ANKRD46: variants seen among roughly 807,000 people sequenced by gnomAD.
ANKRD46 encodes the protein ankyrin repeat domain-containing protein 46.
A neutral mutation model predicts 19.8 loss-of-function variants in ANKRD46; 13 were observed. The observed-to-expected ratio is 0.66, with a 90% CI of 0.43 to 1.04. The LOEUF (loss-of-function observed/expected upper bound fraction) is 1.04, where lower values mean the gene tolerates loss of function less well. Ranked by LOEUF, ANKRD46 falls within the 50% of genes least tolerant of loss-of-function variation. The probability of loss-of-function intolerance (pLI) is 0.00; values close to 1 mark genes in which losing one functional copy is unlikely to be tolerated. For synonymous variants in ANKRD46, 91 were observed against 106.9 expected, an observed-to-expected ratio of 0.85 and a Z score of 0.92; for missense variants, 185 against 274.8, an observed-to-expected ratio of 0.67 and a Z score of 2.31.
At chr8:100,526,012 G>A (rs1309229534) in intron 4 of ANKRD46, among the ~76,000 whole-genome samples, 2 of 152,144 alleles carry the variant, frequency 1.3e-5, no homozygotes, top group Non-Finnish European at 2.9e-5. Context: ...TCTGATTTAA[G>A]CTTCAACCAC....
intron 1 of ANKRD46, among the ~76,000 whole-genome samples, chr8:100,548,560 T>C (rs974935464): frequency 1.3e-4 from 20 of 152,366 alleles, no homozygotes; most frequent in African/African-American, 3.6e-4. Context: ...TTTGAGGGCA[T>C]GAGTTGTCTT....
intron 4 of ANKRD46, among the ~76,000 whole-genome samples, chr8:100,526,910 C>A (rs572215882): frequency 6.6e-6 from 1 of 152,094 alleles, no homozygotes; most frequent in Non-Finnish European, 1.5e-5. Context: ...GATGTGGGCC[C>A]TTGCTTATTC....
chr8:100,547,663 A>G (rs184965814), intron 1 of ANKRD46, among the ~76,000 whole-genome samples: 10 of 152,248 alleles, frequency 6.6e-5, no homozygotes, highest in African/African-American at 2.4e-4. Context: ...CACTCCATAC[A>G]TATACTCCAG....
intron 2 of ANKRD46, among the ~76,000 whole-genome samples, chr8:100,531,314 T>C (rs1463286804): frequency 6.6e-6 from 1 of 152,324 alleles, no homozygotes; most frequent in Non-Finnish European, 1.5e-5. Context: ...GAAACACTGA[T>C]GGAACTGGAC....
chr8:100,529,566 T>C lies in ANKRD46; in HGVS notation c.268A>G (p.Thr90Ala). 6.2e-7 allele frequency: 1 copy of C among 1,614,196 alleles called. No individual in the cohort carries two copies. The highest frequency in any genetic ancestry group is 1.6e-4 in the Middle Eastern group (1 of 6,062). ...TALHLCGHVD[T>A]IQFLVSNGLK... ...CCATTGGAAACCAAAAATTGGATAG[T>C]ATCCACATGGCCACAGAGGTGAAGA... Residue 90 changes from threonine (T) to alanine (A), a missense_variant, in exon 3 of 5, where the codon ACT becomes GCT. Transcript: ENST00000335659. The surrounding 1 kb of genome is among the most constrained non-coding windows in gnomAD (Gnocchi z 5.8).
downstream of ANKRD46, among the ~76,000 whole-genome samples, chr8:100,518,860 AAAATAAAT>A (rs1811677313): frequency 7.9e-6 from 1 of 126,782 alleles, no homozygotes. Context: ...TCAAAAAAAA[AAAATAAAT>A]AAAATAAAAA....
chr8:100,537,043 T>C lies in ANKRD46; in HGVS notation c.-130-3732A>G, dbSNP rs1040279913. 2.0e-5 allele frequency among the ~76,000 whole-genome samples: 3 copies of C among 152,240 alleles called. No homozygotes were observed. The highest frequency in any genetic ancestry group is 4.4e-5 in the Non-Finnish European group (3 of 68,040). ...AAAGGTTTTGATGGAAGCTTGTGAT[T>C]CACTGACTTGATGAAAAGTCATGCC... On this transcript the variant is annotated intron_variant, in intron 1 of 4. Coordinates refer to ENST00000335659, the MANE Select transcript of ANKRD46 (RefSeq NM_001270377.2). This position sits in a 1 kb window ranked among gnomAD's most constrained non-coding sequence, Gnocchi z 4.2.
At position 100,521,539 on chromosome 8, in the gene ANKRD46, A is replaced by G; in HGVS notation, c.*1016T>C. ...GACACCCAGTACGATACTGTCCAGC[A>G]CTGTTAACTCAGAAATGCTCCATCC... On this transcript the variant is annotated 3_prime_UTR_variant, in exon 5 of 5. Coordinates refer to ENST00000335659, the MANE Select transcript of ANKRD46 (RefSeq NM_001270377.2). The G allele has an allele frequency of 1.0e-6, 1 of 985,460 alleles. No individual in the cohort carries two copies. Among genetic ancestry groups the G allele is most frequent in the Non-Finnish European group, 1.2e-6 (1 of 829,938 alleles). 61.0% of individuals were successfully genotyped at this position (985,460 alleles called of 1,614,324 possible). A position where few individuals can be genotyped will look rare whatever the true frequency, so the allele number is the denominator to read the frequency against.
intron 1 of ANKRD46, chr8:100,551,496 TG>T: frequency 1.3e-6 from 1 of 791,314 alleles, no homozygotes; most frequent in Non-Finnish European, 2.1e-6. Flanking sequence ...AAGATGGTGA[TG>T]GGATTTCCAT....
At position 100,529,962 on chromosome 8, in the gene ANKRD46, C is replaced by T. The variant is rs896073739; in HGVS notation, c.-27-102G>A. 2.5e-6 allele frequency: 2 copies of T among 794,748 alleles called. No homozygotes were observed. Among genetic ancestry groups the T allele is most frequent in the Non-Finnish European group, 3.9e-6 (2 of 518,298 alleles). The allele number at this position is 794,748 out of a possible 1,614,324, so 49.2% of individuals were successfully genotyped here. A position where few individuals can be genotyped will look rare whatever the true frequency, so the allele number is the denominator to read the frequency against. On this transcript the variant is annotated intron_variant, in intron 2 of 4. Coordinates refer to ENST00000335659, the MANE Select transcript of ANKRD46 (RefSeq NM_001270377.2). The surrounding 1 kb of genome is among the most constrained non-coding windows in gnomAD (Gnocchi z 5.8). ...TTTCTCATCCTTTTTGGCCTCCTGC[C>T]TCTAATAAATAAATGACCAAACAGA...
Position 100,521,855 on chromosome 8 carries a change from A to G in ANKRD46, c.*700T>C. Reference sequence around the variant, plus strand: ...ACTCGGGAAAATTGGAAAGTGAACAAAATGAACTCATTTATTTTTCACAGA... The same window carrying G: ...ACTCGGGAAAATTGGAAAGTGAACAGAATGAACTCATTTATTTTTCACAGA... On this transcript the variant is annotated 3_prime_UTR_variant, in exon 5 of 5. Transcript: ENST00000335659. The G allele has an allele frequency of 3.0e-6, 3 of 985,194 alleles. No homozygotes were observed. Among genetic ancestry groups the G allele is most frequent in the Non-Finnish European group, 2.4e-6 (2 of 829,674 alleles). 61.0% of individuals were successfully genotyped at this position (985,194 alleles called of 1,614,324 possible). A position where few individuals can be genotyped will look rare whatever the true frequency, so the allele number is the denominator to read the frequency against.
rs1284818778 is a variant in ANKRD46, at chr8:100,525,621, A to T, written c.470+2224T>A. 6.6e-6 allele frequency among the ~76,000 whole-genome samples: 1 copy of T among 152,168 alleles called. No homozygotes were observed. Among genetic ancestry groups the T allele is most frequent in the African/African-American group, 2.4e-5 (1 of 41,444 alleles). ...TAGTAATATTCCATTGGATGAACAG[A>T]TGATGTTTATTCCTTCATCAGCTGA... On this transcript the variant is annotated intron_variant, in intron 4 of 4. Transcript: ENST00000335659. The surrounding 1 kb of genome is among the most constrained non-coding windows in gnomAD (Gnocchi z 4.4).
Position 100,525,367 on chromosome 8 carries a change from C to T in ANKRD46, c.470+2478G>A, listed in dbSNP as rs140883631. Reference sequence around the variant, plus strand: ...TCTTCTAATTCCAGTACACTTTCAGCACCTCTATAAGAAACTCTGTACCTA... The same window carrying T: ...TCTTCTAATTCCAGTACACTTTCAGTACCTCTATAAGAAACTCTGTACCTA... On this transcript the variant is annotated intron_variant, in intron 4 of 4. Coordinates refer to ENST00000335659, the MANE Select transcript of ANKRD46 (RefSeq NM_001270377.2). The surrounding 1 kb of genome is among the most constrained non-coding windows in gnomAD (Gnocchi z 4.4). Among the ~76,000 whole-genome samples the T allele has an allele frequency of 4.3e-4, 66 of 152,266 alleles. No homozygotes were observed. The South Asian group carries it at 6.8e-3, about 16-fold the overall frequency.
chr8:100,512,608 A>G (rs1811564880), intron 5 of ANKRD46, among the ~76,000 whole-genome samples: 1 of 152,214 alleles, frequency 6.6e-6, no homozygotes, highest in African/African-American at 2.4e-5. Flanking sequence ...AGTGTCAAAA[A>G]TCATGACAGA....
downstream of ANKRD46, among the ~76,000 whole-genome samples, chr8:100,518,609 TG>T (rs1408882030): frequency 2.6e-5 from 4 of 152,280 alleles, no homozygotes; most frequent in Admixed American, 6.5e-5. Flanking sequence ...CCCAGCACTT[TG>T]GGAGGCCGAG....
In ANKRD46 at chr8:100,522,124, T is replaced by A. The variant is rs1291671905; in HGVS notation, c.*431A>T. On this transcript the variant is annotated 3_prime_UTR_variant, in exon 5 of 5. Transcript: ENST00000335659. ...ATCCCTAGAGAAAGTAAATAAAAAGTGGCTCTTGCAAAAATAAATGAAAAC... is the reference window on the plus strand; with the variant it reads ...ATCCCTAGAGAAAGTAAATAAAAAGAGGCTCTTGCAAAAATAAATGAAAAC... 2 of 990,314 alleles carry A rather than the reference T, an allele frequency of 2.0e-6. No individual in the cohort carries two copies. The highest frequency in any genetic ancestry group is 2.4e-6 in the Non-Finnish European group (2 of 832,742). 61.3% of individuals were successfully genotyped at this position (990,314 alleles called of 1,614,324 possible).
Position 100,556,254 on chromosome 8 carries a change from C to T in ANKRD46, c.-131+3457G>A, listed in dbSNP as rs576830582. Among the ~76,000 whole-genome samples, 6 of 152,262 alleles carry T rather than the reference C, an allele frequency of 3.9e-5. No individual in the cohort carries two copies. The South Asian group carries it at 1.2e-3, about 32-fold the overall frequency. ...CAGGCTGGTCTTGAACTCCTGAGCT[C>T]AACAGATCCTCCAGTCTCGGCCTCC... On this transcript the variant is annotated intron_variant, in intron 1 of 4. Coordinates refer to ENST00000335659, the MANE Select transcript of ANKRD46 (RefSeq NM_001270377.2).
At chr8:100,540,578 T>G (rs1351176113) in intron 1 of ANKRD46, among the ~76,000 whole-genome samples, 1 of 152,194 alleles carries the variant, frequency 6.6e-6, no homozygotes, top group African/African-American at 2.4e-5. Context: ...AGAAAACACC[T>G]AAATTTTTCT....
At position 100,544,341 on chromosome 8, in the gene ANKRD46, G is replaced by A. The variant is rs1269300628; in HGVS notation, c.-130-11030C>T. 6.6e-6 allele frequency among the ~76,000 whole-genome samples: 1 copy of A among 152,180 alleles called. No individual in the cohort carries two copies. The highest frequency in any genetic ancestry group is 1.5e-5 in the Non-Finnish European group (1 of 68,040). ...CAAAGAACATAAGCCTAAAGTTGGG[G>A]AGGGGCCTAGCAATTGGAGAAAAGA... On this transcript the variant is annotated intron_variant, in intron 1 of 4. Transcript: ENST00000335659. The surrounding 1 kb of genome is among the most constrained non-coding windows in gnomAD (Gnocchi z 4.4).
Sources: allele counts gnomAD v4.1 joint callset (sites outside exome capture counted in the v4.1 genomes callset), GRCh38; gene constraint gnomAD v4.1.1; non-coding constraint Gnocchi (gnomAD v3.1); transcripts MANE v1.5; gene names NCBI Gene and HGNC (gene_info 2026-07-23, HGNC 2026-07-21).